SLC25A21: variants seen among roughly 807,000 people sequenced by gnomAD.
The protein encoded by SLC25A21 is solute carrier family 25 member 21, also known as mitochondrial 2-oxodicarboxylate carrier.
A neutral mutation model predicts 43.8 loss-of-function variants in SLC25A21; 47 were observed. The observed-to-expected ratio is 1.07, with a 90% confidence interval of 0.85 to 1.37. SLC25A21 has a LOEUF of 1.37. SLC25A21 is among the 40% of genes most tolerant of loss of function. The pLI, the probability that SLC25A21 is intolerant of heterozygous loss-of-function variation, is 0.00. For synonymous variants in SLC25A21, 131 were observed against 121.3 expected (o/e 1.08, Z -0.52); for missense variants, 352 against 350.2 (o/e 1.00, Z -0.04).
intron 3 of SLC25A21, among the ~76,000 whole-genome samples, chr14:36,764,577 C>CA (rs1278797457): frequency 3.0e-5 from 3 of 98,690 alleles, no homozygotes; most frequent in Non-Finnish European, 6.8e-5. Flanking sequence ...CAAAACAAAA[C>CA]AAAAAACAAA....
intron 3 of SLC25A21, among the ~76,000 whole-genome samples, chr14:36,807,549 C>T (rs960679727): frequency 2.0e-5 from 3 of 152,208 alleles, no homozygotes; most frequent in African/African-American, 4.8e-5. Flanking sequence ...GGGTGAGGGA[C>T]GGTTTCCAGA....
intron 1 of SLC25A21, among the ~76,000 whole-genome samples, chr14:37,112,543 A>G (rs776026807): frequency 2.0e-5 from 3 of 152,194 alleles, no homozygotes; most frequent in Non-Finnish European, 4.4e-5. Flanking sequence ...AGCTGGACAC[A>G]TAATTGCCTA....
chr14:36,698,185 CT>C (rs1343721597), intron 7 of SLC25A21, among the ~76,000 whole-genome samples: 1 of 152,108 alleles, frequency 6.6e-6, no homozygotes, highest in African/African-American at 2.4e-5. Context: ...CTTAGTTTGG[CT>C]GGATATGAAA....
chr14:36,975,004 T>C (rs1043005665), intron 1 of SLC25A21, among the ~76,000 whole-genome samples: 1 of 152,192 alleles, frequency 6.6e-6, no homozygotes, highest in Non-Finnish European at 1.5e-5. Flanking sequence ...ATGACTTCCA[T>C]TTTTAAAGCA....
rs1962512158 is a variant in SLC25A21, at chr14:37,087,732, G to A, written c.70+84549C>T. On this transcript the variant is annotated intron_variant, in intron 1 of 9. Coordinates refer to ENST00000331299, the MANE Select transcript of SLC25A21 (RefSeq NM_030631.4). ...GCTAGTTACAACAAGCCAGAAAAGA[G>A]ACAACCATGAGTGAGTCTGTAATCT... is the stretch of plus-strand genomic sequence containing the variant. Among the ~76,000 whole-genome samples the A allele has an allele frequency of 2.6e-5, 4 of 152,202 alleles. No homozygotes were observed. In the South Asian group the frequency reaches 8.3e-4, roughly 31 times the overall value.
intron 1 of SLC25A21, among the ~76,000 whole-genome samples, chr14:36,921,810 T>C (rs535826960): frequency 1.3e-5 from 2 of 152,266 alleles, no homozygotes; most frequent in South Asian, 2.1e-4. Context: ...TTGTTCACCA[T>C]TCTGAATGTG....
intron 1 of SLC25A21, among the ~76,000 whole-genome samples, chr14:37,061,694 T>C (rs1961951541): frequency 6.6e-6 from 1 of 152,232 alleles, no homozygotes; most frequent in Non-Finnish European, 1.5e-5. Context: ...GTTCATAGTG[T>C]CCTTTTCCCT....
chr14:37,160,192 C>A (rs773177970), intron 1 of SLC25A21, among the ~76,000 whole-genome samples: 1 of 152,146 alleles, frequency 6.6e-6, no homozygotes, highest in Non-Finnish European at 1.5e-5. Context: ...AATTACCACT[C>A]GATCCAGCAA....
chr14:36,909,640 T>A (rs761595107), intron 1 of SLC25A21, among the ~76,000 whole-genome samples: 2 of 152,204 alleles, frequency 1.3e-5, no homozygotes, highest in Non-Finnish European at 2.9e-5. Flanking sequence ...TAATGTCAGA[T>A]AAAGCAGAAT....
Position 36,813,989 on chromosome 14 carries a change from C to T in SLC25A21, c.132G>A (p.Gln44=). The change falls in exon 3 of 10, where the codon CAG becomes CAA. Residue 44 remains glutamine (Q), a synonymous_variant. Coordinates refer to ENST00000331299, the MANE Select transcript of SLC25A21 (RefSeq NM_030631.4). Reference sequence around the variant, plus strand: ...AACTGTTTGGATCGGTTGCACATCTCTGAATCTGAAACCTAGAAGCAAAAT... The same window carrying T: ...AACTGTTTGGATCGGTTGCACATCTTTGAATCTGAAACCTAGAAGCAAAAT... The part of the protein sequence containing the change: ...LDVVKTRFQI[Q]RCATDPNSYK... 2 of 1,602,656 alleles carry T rather than the reference C, an allele frequency of 1.2e-6. No individual in the cohort carries two copies. The highest frequency in any genetic ancestry group is 1.7e-6 in the Non-Finnish European group (2 of 1,177,322).
At chr14:37,081,140 T>C (rs1256072011) in intron 1 of SLC25A21, among the ~76,000 whole-genome samples, 1 of 152,102 alleles carries the variant, frequency 6.6e-6, no homozygotes, top group Non-Finnish European at 1.5e-5. Context: ...CCCTGTAAAG[T>C]GTTTTTGTGA....
intron 1 of SLC25A21, among the ~76,000 whole-genome samples, chr14:37,040,375 GAAAGAAAGAA>G (rs1165204682): frequency 6.2e-4 from 19 of 30,470 alleles, no homozygotes; most frequent in South Asian, 1.8e-3. Context: ...GAGAGAGAGA[GAAAGAAAGAA>G]AGAAAGAAAG....
At chr14:36,813,842 G>A (rs1322542431) in intron 3 of SLC25A21, 76 bp downstream of exon 3, 9 of 1,115,856 alleles carry the variant, frequency 8.1e-6, no homozygotes, top group Non-Finnish European at 1.2e-5. Context: ...GTAAGACTAG[G>A]AAAATAAACC....
intron 1 of SLC25A21, among the ~76,000 whole-genome samples, chr14:36,887,069 T>C (rs1337429357): frequency 1.3e-5 from 2 of 152,050 alleles, no homozygotes; most frequent in Non-Finnish European, 2.9e-5. Context: ...GAAGGAAATG[T>C]GAAGAAAATA....
At chr14:36,855,492 T>C (rs1244979629) in intron 2 of SLC25A21, among the ~76,000 whole-genome samples, 1 of 152,178 alleles carries the variant, frequency 6.6e-6, no homozygotes, top group Non-Finnish European at 1.5e-5. Context: ...CATCTGTGGC[T>C]TCCTCACCAT....
intron 2 of SLC25A21, among the ~76,000 whole-genome samples, chr14:36,849,398 T>G (rs1889652010): frequency 6.6e-6 from 1 of 152,190 alleles, no homozygotes; most frequent in Non-Finnish European, 1.5e-5. Context: ...AAATCCGATG[T>G]TAAGGAAAAA....
chr14:37,113,032 A>T (rs1755744285), intron 1 of SLC25A21, among the ~76,000 whole-genome samples: 1 of 152,216 alleles, frequency 6.6e-6, no homozygotes, highest in Admixed American at 6.5e-5. Flanking sequence ...TACAAGAGTT[A>T]GAATCTTCAG....
At chr14:36,685,496 C>A (rs769929433) in intron 7 of SLC25A21, among the ~76,000 whole-genome samples, 2 of 152,156 alleles carry the variant, frequency 1.3e-5, no homozygotes, top group African/African-American at 4.8e-5. Context: ...CAACTTGGGG[C>A]GGCTGCAAAA....
rs375542825 is a variant in SLC25A21, at chr14:36,740,264, C to G, written c.204-5691G>C. Among the ~76,000 whole-genome samples, 93 of 152,272 alleles carry G rather than the reference C, an allele frequency of 6.1e-4. 1 individual carries two copies. The highest frequency in any genetic ancestry group is 2.2e-3 in the African/African-American group (90 of 41,546). The stretch of plus-strand genomic sequence containing the variant: ...TGTTTATGCTGGGGAGCCCATCACA[C>G]ATAAAACCCCATCCCATTAGTGTGA... On this transcript the variant is annotated intron_variant, in intron 3 of 9. Transcript: ENST00000331299.
Sources: gnomAD v4.1 joint callset for allele counts (sites outside exome capture counted in the v4.1 genomes callset) on GRCh38, gnomAD v4.1.1 for gene constraint, MANE v1.5 for transcripts, NCBI Gene and HGNC (gene_info 2026-07-23, HGNC 2026-07-21) for gene names.